Variants in CAB39 observed in about 807,000 individuals in gnomAD.
CAB39 encodes the protein calcium binding protein 39.
In CAB39, 8 loss-of-function variants were observed where a neutral mutation model predicts 40.0. The ratio of observed to expected loss-of-function variants is 0.20; its 90% CI spans 0.12 to 0.36. The LOEUF is 0.36. Among genes scored for constraint, CAB39 ranks in the 10% least tolerant of loss-of-function variants. CAB39 has a pLI of 1.00. For synonymous variants in CAB39, 156 were observed against 141.6 expected (o/e 1.10, Z -0.72); for missense variants, 270 against 401.1 (o/e 0.67, Z 2.79).
chr2:230,741,436 C>T (rs1327745320), intron 1 of CAB39, among the ~76,000 whole-genome samples: 4 of 152,174 alleles, frequency 2.6e-5, no homozygotes, highest in African/African-American at 4.8e-5. Context: ...TTTGATACTT[C>T]GTCAGTTTAC....
intron 2 of CAB39, among the ~76,000 whole-genome samples, chr2:230,774,875 TGGG>T (rs1391799109): frequency 6.6e-6 from 1 of 151,524 alleles, no homozygotes; most frequent in Non-Finnish European, 1.5e-5. Context: ...AGGTGGGGGT[TGGG>T]GGAGGTAGAA....
chr2:230,717,469 GTCT>G (rs2124846662), intron 1 of CAB39, among the ~76,000 whole-genome samples: 1 of 152,300 alleles, frequency 6.6e-6, no homozygotes, highest in East Asian at 1.9e-4. Flanking sequence ...CTGCAAGGGT[GTCT>G]TGCAGTGAGA....
chr2:230,722,797 AC>A lies in CAB39; in HGVS notation c.-44+9569del, dbSNP rs747914516. Reference sequence around the variant, plus strand: ...TTAAGACTTTAGAAGTGTTTAAGCAACCTCCAAGTAAAGCTAGACTCTTGAT... The same window carrying A: ...TTAAGACTTTAGAAGTGTTTAAGCAACTCCAAGTAAAGCTAGACTCTTGAT... On this transcript the variant is annotated intron_variant, in intron 1 of 8. Transcript: ENST00000258418. 9.5e-4 allele frequency among the ~76,000 whole-genome samples: 145 copies of A among 152,312 alleles called. 1 individual carries two copies. Among genetic ancestry groups the A allele is most frequent in the Middle Eastern group, 3.4e-3 (1 of 294 alleles).
intron 2 of CAB39, among the ~76,000 whole-genome samples, chr2:230,776,114 G>C (rs555034566): frequency 6.6e-6 from 1 of 152,268 alleles, no homozygotes; most frequent in Non-Finnish European, 1.5e-5. Flanking sequence ...GACTTTAAGA[G>C]GTGGAGATAA....
chr2:230,808,972 A>G (rs1419247923), intron 5 of CAB39, among the ~76,000 whole-genome samples: 1 of 152,220 alleles, frequency 6.6e-6, no homozygotes, highest in East Asian at 1.9e-4. Context: ...TATTTATGGA[A>G]CTTACAGTGT....
Position 230,712,983 on chromosome 2 carries a change from G to C in CAB39, c.-291G>C, listed in dbSNP as rs1010216115. ...TAAGGCGGCGCCGGGCCCCACAGCA[G>C]CAGCCGCAGCCCAAGCGAGCGCAGC... On this transcript the variant is annotated 5_prime_UTR_variant, in exon 1 of 9. Transcript: ENST00000258418. The C allele has an allele frequency of 4.6e-5, 7 of 151,150 alleles. No homozygotes were observed. The highest frequency in any genetic ancestry group is 1.7e-4 in the African/African-American group (7 of 41,298). 9.4% of individuals were successfully genotyped at this position (151,150 alleles called of 1,614,324 possible). A position where few individuals can be genotyped will look rare whatever the true frequency, so the allele number is the denominator to read the frequency against.
intron 1 of CAB39, among the ~76,000 whole-genome samples, chr2:230,752,469 G>A (rs888990588): frequency 6.6e-6 from 1 of 152,170 alleles, no homozygotes; most frequent in South Asian, 2.1e-4. Flanking sequence ...CATGGTGAAA[G>A]GTGGAAGGTC....
At chr2:230,749,493 T>A (rs575386717) in intron 1 of CAB39, among the ~76,000 whole-genome samples, 1 of 152,348 alleles carries the variant, frequency 6.6e-6, no homozygotes, top group Non-Finnish European at 1.5e-5. Flanking sequence ...AATATAAATA[T>A]CAATTCATGT....
intron 2 of CAB39, among the ~76,000 whole-genome samples, chr2:230,761,196 T>G (rs1048045475): frequency 2.6e-5 from 4 of 152,218 alleles, no homozygotes; most frequent in Admixed American, 2.6e-4. Context: ...TTTTATACAA[T>G]ATTTTAAATT....
intron 6 of CAB39, among the ~76,000 whole-genome samples, chr2:230,813,116 G>C (rs768046627): frequency 6.6e-6 from 1 of 152,210 alleles, no homozygotes; most frequent in Non-Finnish European, 1.5e-5. Flanking sequence ...AGTCATACTA[G>C]TGCTGCAGAC....
At chr2:230,721,178 C>A (rs139981654) in intron 1 of CAB39, among the ~76,000 whole-genome samples, 112 of 152,296 alleles carry the variant, frequency 7.4e-4, no homozygotes, top group African/African-American at 2.6e-3. Flanking sequence ...TGCCTGTAAT[C>A]CCAGCACTTT....
chr2:230,818,409 G>A (rs1170653071), intron 8 of CAB39, 107 bp from the exon 9 acceptor site: 13 of 820,658 alleles, frequency 1.6e-5, no homozygotes, highest in African/African-American at 5.2e-5. Flanking sequence ...TGACTTCAGC[G>A]CCATCCCAGG....
intron 2 of CAB39, chr2:230,779,056 A>T (rs979752535): frequency 3.9e-5 from 6 of 152,158 alleles, no homozygotes; most frequent in African/African-American, 1.2e-4. Flanking sequence ...GAACTTTGGG[A>T]TACTGGTTAC....
chr2:230,782,118 G>A (rs1695697270), intron 2 of CAB39, among the ~76,000 whole-genome samples: 2 of 152,104 alleles, frequency 1.3e-5, no homozygotes, highest in Admixed American at 6.5e-5. Flanking sequence ...CGCCCGGCTC[G>A]GCCTCTGAAA....
At chr2:230,716,452 TC>T (rs1694351715) in intron 1 of CAB39, among the ~76,000 whole-genome samples, 1 of 152,182 alleles carries the variant, frequency 6.6e-6, no homozygotes, top group Admixed American at 6.5e-5. Context: ...AAATCCAACC[TC>T]CCCAACCCCC....
At chr2:230,799,482 C>T (rs1575955225) in intron 5 of CAB39, among the ~76,000 whole-genome samples, 1 of 152,172 alleles carries the variant, frequency 6.6e-6, no homozygotes, top group Non-Finnish European at 1.5e-5. Flanking sequence ...ATCTACCTTT[C>T]CTCCCTTGGT....
At chr2:230,743,833 T>C (rs1694925498) in intron 1 of CAB39, among the ~76,000 whole-genome samples, 1 of 151,288 alleles carries the variant, frequency 6.6e-6, no homozygotes, top group Non-Finnish European at 1.5e-5. Flanking sequence ...TCTGCAGAAA[T>C]CAGGTAAGTA....
intron 1 of CAB39, among the ~76,000 whole-genome samples, chr2:230,750,763 G>T (rs1224619600): frequency 6.6e-6 from 1 of 152,112 alleles, no homozygotes; most frequent in Admixed American, 6.6e-5. Flanking sequence ...TTGCTATCCA[G>T]TTTATATAAT....
chr2:230,724,843 G>T (rs1694531196), intron 1 of CAB39, among the ~76,000 whole-genome samples: 1 of 149,830 alleles, frequency 6.7e-6, no homozygotes, highest in Non-Finnish European at 1.5e-5. Context: ...GGAGCCAAAT[G>T]GTATCAAACG....
Sources: allele counts gnomAD v4.1 joint callset (sites outside exome capture counted in the v4.1 genomes callset), GRCh38; gene constraint gnomAD v4.1.1; transcripts MANE v1.5; gene names NCBI Gene and HGNC (gene_info 2026-07-23, HGNC 2026-07-21).